Variants in PRKDC observed in about 807,000 individuals in gnomAD.
PRKDC encodes protein kinase, DNA-activated, catalytic subunit, also known as DNA-dependent protein kinase catalytic subunit.
PRKDC carries 82 observed loss-of-function variants against 486.9 expected under a neutral mutation model. The ratio of observed to expected loss-of-function variants is 0.17; its 90% CI spans 0.14 to 0.20. The LOEUF (loss-of-function observed/expected upper bound fraction) is 0.20. PRKDC is among the 10% of genes least tolerant of loss of function. The probability of loss-of-function intolerance (pLI) is 1.00; values close to 1 mark genes in which losing one functional copy is unlikely to be tolerated. For synonymous variants in PRKDC, 1,895 were observed against 1,837.0 expected, an observed-to-expected ratio of 1.03 and a Z score of -0.81; for missense variants, 4,504 against 5,038.2, an observed-to-expected ratio of 0.89 and a Z score of 3.21.
In PRKDC at chr8:47,942,363, C is replaced by T. The variant is rs143793427; in HGVS notation, c.966+846G>A. Among the ~76,000 whole-genome samples the T allele has an allele frequency of 1.1e-3, 171 of 152,208 alleles. 1 individual carries two copies. The highest frequency in any genetic ancestry group is 8.9e-3 in the South Asian group (43 of 4,822). ...AAGTACAGCAGGGAGACTAAGGAGGCGAGAGGGACAGGCGGCAGAGGCAGA... is the reference window on the plus strand; with the variant it reads ...AAGTACAGCAGGGAGACTAAGGAGGTGAGAGGGACAGGCGGCAGAGGCAGA... On this transcript the variant is annotated intron_variant, in intron 10 of 85. Coordinates refer to ENST00000314191, the MANE Select transcript of PRKDC (RefSeq NM_006904.7).
intron 30 of PRKDC, among the ~76,000 whole-genome samples, chr8:47,895,762 C>A (rs2089565217): frequency 6.6e-6 from 1 of 152,126 alleles, no homozygotes; most frequent in South Asian, 2.1e-4. Flanking sequence ...AATGCTAGGC[C>A]AGGCGTGGTA....
chr8:47,829,120 G>A (rs1437354628), intron 61 of PRKDC, among the ~76,000 whole-genome samples: 2 of 152,204 alleles, frequency 1.3e-5, no homozygotes, highest in African/African-American at 2.4e-5. Flanking sequence ...GATCTTCCCT[G>A]TTAATAAGTT....
At chr8:47,959,701 C>G (rs1023145411) in intron 1 of PRKDC, among the ~76,000 whole-genome samples, 2 of 151,926 alleles carry the variant, frequency 1.3e-5, no homozygotes, top group African/African-American at 4.8e-5. Context: ...AATTATTTCT[C>G]TTGCCCTGCC....
chr8:47,806,951 C>T (rs1246437067), intron 69 of PRKDC, among the ~76,000 whole-genome samples, 186 bp downstream of exon 69: 4 of 152,144 alleles, frequency 2.6e-5, no homozygotes, highest in Admixed American at 6.6e-5. Context: ...CTGCCTTGGC[C>T]TCTCAAAATG....
chr8:47,933,900 G>A lies in PRKDC; in HGVS notation c.1623+65C>T, dbSNP rs1455027578. On this transcript the variant is annotated intron_variant, in intron 15 of 85. Transcript: ENST00000314191. The stretch of plus-strand genomic sequence containing the variant: ...AATATAATTCTGAAATAAGTCTTAT[G>A]TCTAAACTATGGAGACTAATAAAGG... 3 of 1,469,186 alleles carry A rather than the reference G, an allele frequency of 2.0e-6. No homozygotes were observed. In the African/African-American group the frequency reaches 4.2e-5, roughly 21 times the overall value. 91.0% of individuals were successfully genotyped at this position (1,469,186 alleles called of 1,614,324 possible). A position where few individuals can be genotyped will look rare whatever the true frequency, so the allele number is the denominator to read the frequency against.
rs1292975094 is a variant in PRKDC at position 47,773,422 on chromosome 8, A to C, written c.*751T>G. On this transcript the variant is annotated 3_prime_UTR_variant, in exon 86 of 86. Coordinates refer to ENST00000314191, the MANE Select transcript of PRKDC (RefSeq NM_006904.7). ...AATGCTTAGTACTATCCCTAACAAC[A>C]ACCATGGGATTTTTGAAGTTATCCC... 9.3e-6 allele frequency: 2 copies of C among 215,524 alleles called. No individual in the cohort carries two copies. Among genetic ancestry groups the C allele is most frequent in the East Asian group, 6.9e-5 (1 of 14,422 alleles). 13.4% of individuals were successfully genotyped at this position (215,524 alleles called of 1,614,324 possible).
intron 61 of PRKDC, among the ~76,000 whole-genome samples, chr8:47,829,935 T>C (rs1056482886): frequency 1.3e-5 from 2 of 152,072 alleles, no homozygotes; most frequent in Non-Finnish European, 2.9e-5. Flanking sequence ...TATTCTAAAA[T>C]TCATATGGAA....
At chr8:47,811,465 G>A (rs930461089) in intron 68 of PRKDC, among the ~76,000 whole-genome samples, 1 of 152,168 alleles carries the variant, frequency 6.6e-6, no homozygotes, top group Non-Finnish European at 1.5e-5. Context: ...TTGGGTCTTA[G>A]GAATAAATGA....
intron 59 of PRKDC, among the ~76,000 whole-genome samples, chr8:47,833,071 G>A (rs2087925959): frequency 6.6e-6 from 1 of 152,282 alleles, no homozygotes; most frequent in African/African-American, 2.4e-5. Context: ...CCCTGCTGCT[G>A]ACCCCATTCT....
Position 47,788,941 on chromosome 8 carries a change from G to T in PRKDC, c.10867C>A (p.Pro3623Thr). 6.2e-7 allele frequency: 1 copy of T among 1,610,084 alleles called. No homozygotes were observed. Among genetic ancestry groups the T allele is most frequent in the South Asian group, 1.1e-5 (1 of 89,946 alleles). ...MYAALGDPKA[P>T]GLGAFRRKFI... Reference sequence around the variant, plus strand: ...TTCCTTCTAAAGGCCCCCAGGCCTGGAGCCTTTGGGTCACCCAAGGCTGCA... The same window carrying T: ...TTCCTTCTAAAGGCCCCCAGGCCTGTAGCCTTTGGGTCACCCAAGGCTGCA... Residue 3623 changes from proline to threonine, a missense_variant, in exon 76 of 86, where the codon CCA (proline) becomes ACA (threonine). Transcript: ENST00000314191.
chr8:47,821,854 G>A (rs888646046), intron 64 of PRKDC, 62 bp from the exon 65 acceptor site: 26 of 1,332,496 alleles, frequency 2.0e-5, no homozygotes, highest in Middle Eastern at 1.9e-4. Context: ...ATGAGAACAC[G>A]TAAAAAGGAG....
intron 27 of PRKDC, among the ~76,000 whole-genome samples, chr8:47,902,285 A>G (rs566867784): frequency 1.3e-5 from 2 of 152,298 alleles, no homozygotes; most frequent in African/African-American, 4.8e-5. Flanking sequence ...CTCACCCTGG[A>G]TCAGCTACTC....
chr8:47,934,386 T>A (rs535172034), intron 14 of PRKDC, among the ~76,000 whole-genome samples: 27 of 152,164 alleles, frequency 1.8e-4, no homozygotes, highest in Non-Finnish European at 4.0e-4. Flanking sequence ...AACACAAAAA[T>A]TGGCTGGGCA....
At chr8:47,884,036 T>C (rs1440723202) in intron 36 of PRKDC, among the ~76,000 whole-genome samples, 3 of 152,274 alleles carry the variant, frequency 2.0e-5, no homozygotes, top group Non-Finnish European at 2.9e-5. Context: ...GGGCAGATGC[T>C]GAACTGAAAG....
chr8:47,897,787 T>A (rs1308636940), intron 29 of PRKDC, among the ~76,000 whole-genome samples: 2 of 152,210 alleles, frequency 1.3e-5, no homozygotes, highest in African/African-American at 4.8e-5. Context: ...TAAACTGATA[T>A]CGTAAGTTAA....
At chr8:47,924,646 T>C (rs1350815898) in intron 21 of PRKDC, among the ~76,000 whole-genome samples, 3 of 152,118 alleles carry the variant, frequency 2.0e-5, no homozygotes, top group South Asian at 2.1e-4. Context: ...ACTATTCAGA[T>C]ACCACACTCC....
rs753130571 is a variant in PRKDC at position 47,914,030 on chromosome 8, C to T, written c.2652G>A (p.Val884=). The T allele has an allele frequency of 1.3e-6, 2 of 1,577,240 alleles. No individual in the cohort carries two copies. Among genetic ancestry groups the T allele is most frequent in the Non-Finnish European group, 1.7e-6 (2 of 1,163,426 alleles). The change falls in exon 24 of 86, where the codon GTG becomes GTA. Residue 884 remains valine, a synonymous_variant. Coordinates refer to ENST00000314191, the MANE Select transcript of PRKDC (RefSeq NM_006904.7). ...TSSDEMMKSY[V]AWDREKRLSF... The stretch of plus-strand genomic sequence containing the variant: ...TCAGCCGCTTCTCTCTGTCCCAGGC[C>T]ACATAGCTCTTCATCATCTCATCTG...
chr8:47,866,829 C>A (rs1221479758), intron 40 of PRKDC, among the ~76,000 whole-genome samples: 2 of 152,224 alleles, frequency 1.3e-5, no homozygotes, highest in East Asian at 3.8e-4. Context: ...ATTTAGGAAT[C>A]TACCCCAAAG....
Position 47,794,352 on chromosome 8 carries a change from G to A in PRKDC, c.10608C>T (p.Ser3536=). The A allele has an allele frequency of 6.2e-7, 1 of 1,613,770 alleles. No homozygotes were observed. Among genetic ancestry groups the A allele is most frequent in the Non-Finnish European group, 8.5e-7 (1 of 1,179,810 alleles). ...TATCCTTGAAGGAATAGCTTTCGCT[G>A]CTTATGATGAAGGGATAAACAATAG... is the stretch of plus-strand genomic sequence containing the variant. ...PQAIVYPFII[S]SESYSFKDTS... Residue 3536 remains serine, a synonymous_variant, in exon 74 of 86, where the codon AGC becomes AGT. Coordinates refer to ENST00000314191, the MANE Select transcript of PRKDC (RefSeq NM_006904.7).
Sources: allele counts gnomAD v4.1 joint callset (sites outside exome capture counted in the v4.1 genomes callset), GRCh38; gene constraint gnomAD v4.1.1; transcripts MANE v1.5; gene names NCBI Gene and HGNC (gene_info 2026-07-23, HGNC 2026-07-21).